Variants in MRPL33 observed in about 807,000 individuals in gnomAD.
MRPL33 encodes the protein large ribosomal subunit protein bL33m.
A neutral mutation model predicts 10.1 loss-of-function variants in MRPL33; 5 were observed. That is an observed-to-expected ratio of 0.49 (90% CI 0.26 to 1.04). The LOEUF (loss-of-function observed/expected upper bound fraction) is 1.04, where lower values mean the gene tolerates loss of function less well. MRPL33 is among the 50% of genes least tolerant of loss of function. The pLI, the probability that MRPL33 is intolerant of heterozygous loss-of-function variation, is 0.14. For missense variants in MRPL33, 79 were observed against 78.1 expected (o/e 1.01, Z -0.04); for synonymous variants, 24 against 27.7 (o/e 0.87, Z 0.42).
intron 1 of MRPL33, 108 bp downstream of exon 1, chr2:27,771,907 C>A: frequency 1.7e-6 from 2 of 1,187,258 alleles, no homozygotes; most frequent in Non-Finnish European, 2.4e-6. Context: ...GGACGGGAAG[C>A]TGCAGCTGCG....
chr2:27,776,845 G>A (rs1677184664), intron 3 of MRPL33, among the ~76,000 whole-genome samples: 1 of 152,206 alleles, frequency 6.6e-6, no homozygotes, highest in African/African-American at 2.4e-5. Flanking sequence ...GTGGGTAGCA[G>A]TGTGTCATTT....
Position 27,779,538 on chromosome 2 carries a change from T to C in MRPL33, c.*56T>C. The C allele has an allele frequency of 6.2e-7, 1 of 1,611,598 alleles. No homozygotes were observed. The highest frequency in any genetic ancestry group is 1.1e-5 in the South Asian group (1 of 90,262). ...AAGAGAAGACTGAGGGCGGGGATAC[T>C]GATTCAGAAATCCTGTAGCGTGTAA... On this transcript the variant is annotated 3_prime_UTR_variant, in exon 4 of 4. Transcript: ENST00000296102.
intron 3 of MRPL33, among the ~76,000 whole-genome samples, chr2:27,774,975 C>T (rs1377122749): frequency 4.6e-5 from 7 of 152,138 alleles, no homozygotes; most frequent in African/African-American, 7.2e-5. Flanking sequence ...AAGAAGGGGA[C>T]GGTATGGTGT....
intron 3 of MRPL33, among the ~76,000 whole-genome samples, chr2:27,775,962 C>T (rs1015816463): frequency 1.3e-5 from 2 of 152,102 alleles, no homozygotes; most frequent in African/African-American, 4.8e-5. Context: ...CCTCTGATTT[C>T]TTTGTGTCAG....
intron 3 of MRPL33, among the ~76,000 whole-genome samples, chr2:27,777,264 C>T (rs1677195222): frequency 6.6e-6 from 1 of 151,954 alleles, no homozygotes; most frequent in African/African-American, 2.4e-5. Flanking sequence ...CTGGCCTCTA[C>T]TAATCCTCCT....
chr2:27,779,730 A>G lies in MRPL33; in HGVS notation c.*248A>G. The stretch of plus-strand genomic sequence containing the variant: ...TATAGCCCTTAATAAAAAATATTAA[A>G]ATAGCCTGTGCTATTGTGTCTTAGT... On this transcript the variant is annotated 3_prime_UTR_variant, in exon 4 of 4. Coordinates refer to ENST00000296102, the MANE Select transcript of MRPL33 (RefSeq NM_004891.4). 3.4e-6 allele frequency: 2 copies of G among 581,364 alleles called. No homozygotes were observed. Among genetic ancestry groups the G allele is most frequent in the Non-Finnish European group, 2.7e-6 (1 of 374,982 alleles). 36.0% of individuals were successfully genotyped at this position (581,364 alleles called of 1,614,324 possible). A position where few individuals can be genotyped will look rare whatever the true frequency, so the allele number is the denominator to read the frequency against.
At chr2:27,779,342 G>A (rs1241883836) in intron 3 of MRPL33, 91 bp from the exon 4 acceptor site, 7 of 1,383,546 alleles carry the variant, frequency 5.1e-6, no homozygotes, top group African/African-American at 4.4e-5. Context: ...TAAGAGAAAG[G>A]TGAGGGCTTA....
intron 3 of MRPL33, among the ~76,000 whole-genome samples, chr2:27,775,297 C>T (rs547529486): frequency 4.2e-4 from 63 of 150,818 alleles, no homozygotes; most frequent in South Asian, 2.1e-3. Context: ...AAATAGCAAA[C>T]GTGTTTTTTA....
intron 1 of MRPL33, 49 bp from the exon 2 acceptor site, chr2:27,772,625 A>G: frequency 7.0e-7 from 1 of 1,431,502 alleles, no homozygotes; most frequent in Non-Finnish European, 9.6e-7. Flanking sequence ...GAAAGAGAAT[A>G]CATTTATATT....
chr2:27,778,698 G>A (rs1677220214), intron 3 of MRPL33, among the ~76,000 whole-genome samples: 1 of 152,166 alleles, frequency 6.6e-6, no homozygotes, highest in Non-Finnish European at 1.5e-5. Context: ...GGGATTACAG[G>A]CATGCACCAC....
intron 1 of MRPL33, 109 bp downstream of exon 1, chr2:27,771,908 T>C (rs1376633845): frequency 2.6e-6 from 3 of 1,175,680 alleles, no homozygotes; most frequent in African/African-American, 1.5e-5. Context: ...GACGGGAAGC[T>C]GCAGCTGCGT....
chr2:27,774,338 A>G lies in MRPL33; in HGVS notation c.42-86A>G, dbSNP rs953954. The G allele has an allele frequency of 2.5e-4, 263 of 1,047,270 alleles. 2 individuals carry two copies. Among genetic ancestry groups the G allele is most frequent in the East Asian group, 2.4e-3 (99 of 41,966 alleles). The allele number at this position is 1,047,270 out of a possible 1,614,324, so 64.9% of individuals were successfully genotyped here. The stretch of plus-strand genomic sequence containing the variant: ...TATCTCACAACTAATATTACCCTAC[A>G]GAGTTCTCAAAATGTGCCATCCCCC... On this transcript the variant is annotated intron_variant, in intron 2 of 3. Coordinates refer to ENST00000296102, the MANE Select transcript of MRPL33 (RefSeq NM_004891.4).
At chr2:27,774,781 G>C (rs373523684) in intron 3 of MRPL33, among the ~76,000 whole-genome samples, 1 of 152,222 alleles carries the variant, frequency 6.6e-6, no homozygotes, top group East Asian at 1.9e-4. Context: ...TATAAGTGCT[G>C]TGAGAGAAAC....
intron 2 of MRPL33, 82 bp downstream of exon 2, chr2:27,772,774 A>C: frequency 3.5e-6 from 4 of 1,141,212 alleles, no homozygotes; most frequent in Non-Finnish European, 5.1e-6. Flanking sequence ...ACATCCTTAT[A>C]TGAAATTAAG....
At chr2:27,779,305 C>A in intron 3 of MRPL33, 128 bp from the exon 4 acceptor site, 1 of 1,184,426 alleles carries the variant, frequency 8.4e-7, no homozygotes, top group Non-Finnish European at 1.1e-6. Flanking sequence ...CAAATCAGCT[C>A]CATCTTCATA....
intron 3 of MRPL33, among the ~76,000 whole-genome samples, chr2:27,776,460 A>G (rs114267323): frequency 1.9e-3 from 286 of 152,370 alleles, no homozygotes; most frequent in African/African-American, 6.6e-3. Flanking sequence ...TTATGAAGGA[A>G]ATAGGTAAGG....
chr2:27,779,135 T>C (rs3792253), intron 3 of MRPL33, among the ~76,000 whole-genome samples: 34,920 of 152,014 alleles, frequency 0.23, 4,828 homozygotes, highest in East Asian at 0.58. Context: ...GTGAAAACAT[T>C]GTTTTCCATT....
At chr2:27,776,487 C>T (rs941035912) in intron 3 of MRPL33, among the ~76,000 whole-genome samples, 1 of 152,226 alleles carries the variant, frequency 6.6e-6, no homozygotes, top group Non-Finnish European at 1.5e-5. Context: ...GAAAAAATTC[C>T]CAATTATTTG....
chr2:27,774,514 G>A lies in MRPL33; in HGVS notation c.132G>A (p.Leu44=), dbSNP rs777018782. 1 of 1,613,984 alleles carries A rather than the reference G, an allele frequency of 6.2e-7. No individual in the cohort carries two copies. Residue 44 remains leucine (L), a synonymous_variant, in exon 3 of 4, where the codon TTG becomes TTA. Transcript: ENST00000296102. ...RNRLREKLTL[L]HYDPVVKQRV... is the part of the protein sequence containing the mutation. Reference sequence around the variant, plus strand: ...GACTGCGGGAAAAACTGACTCTTTTGCATTATGATCCAGTTGGTAAGATCT... The same window carrying A: ...GACTGCGGGAAAAACTGACTCTTTTACATTATGATCCAGTTGGTAAGATCT...
Sources: allele counts gnomAD v4.1 joint callset (sites outside exome capture counted in the v4.1 genomes callset), GRCh38; gene constraint gnomAD v4.1.1; transcripts MANE v1.5; gene names NCBI Gene and HGNC (gene_info 2026-07-23, HGNC 2026-07-21).